The following PCDHA10 variants were observed in gnomAD, a reference collection of about 807,000 sequenced individuals.
PCDHA10 encodes protocadherin alpha 10.
A neutral mutation model predicts 61.2 loss-of-function variants in PCDHA10; 45 were observed. That is an observed-to-expected ratio of 0.74 (90% CI 0.58 to 0.94). The LOEUF is 0.94. Among genes scored for constraint, PCDHA10 ranks in the 40% least tolerant of loss-of-function variants. The pLI is 0.00. For missense variants in PCDHA10, 1,278 were observed against 1,236.2 expected (o/e 1.03, Z -0.51); for synonymous variants, 602 against 548.8 (o/e 1.10, Z -1.35).
intron 1 of PCDHA10, chr5:140,870,904 G>A (rs1554164810): frequency 1.9e-6 from 3 of 1,613,840 alleles, no homozygotes; most frequent in African/African-American, 2.7e-5. Context: ...TGCGGACTCA[G>A]GCTACAACGC....
At position 140,882,079 on chromosome 5, in the gene PCDHA10, G is replaced by C. The variant is rs2058940272; in HGVS notation, c.2388+23643G>C. 3.1e-6 allele frequency: 3 copies of C among 952,854 alleles called. No homozygotes were observed. In the East Asian group the frequency reaches 7.8e-5, roughly 25 times the overall value. The allele number at this position is 952,854 out of a possible 1,614,324, so 59.0% of individuals were successfully genotyped here. A position where few individuals can be genotyped will look rare whatever the true frequency, so the allele number is the denominator to read the frequency against. On this transcript the variant is annotated intron_variant, in intron 1 of 3. Transcript: ENST00000307360. ...CTTACACGTTCATGCGCATGGTGTCGCTCTTCACTGAGAACGTTTCCGCGA... is the reference window on the plus strand; with the variant it reads ...CTTACACGTTCATGCGCATGGTGTCCCTCTTCACTGAGAACGTTTCCGCGA...
intron 1 of PCDHA10, among the ~76,000 whole-genome samples, chr5:140,913,921 C>T (rs782350245): frequency 1.4e-4 from 22 of 152,018 alleles, no homozygotes; most frequent in South Asian, 1.2e-3. Flanking sequence ...AATTTTACTT[C>T]ATTGTGGTCA....
At chr5:140,865,963 C>A (rs182783301) in intron 1 of PCDHA10, 23 of 152,226 alleles carry the variant, frequency 1.5e-4, no homozygotes, top group Non-Finnish European at 3.1e-4. Flanking sequence ...TAATTTTGTA[C>A]AATGTGTGAT....
chr5:140,864,378 T>C (rs1269675465), intron 1 of PCDHA10: 1 of 152,252 alleles, frequency 6.6e-6, no homozygotes, highest in Non-Finnish European at 1.5e-5. Context: ...ATCGATAAGT[T>C]TATCTCTCAC....
intron 1 of PCDHA10, chr5:140,869,763 A>G: frequency 1.9e-6 from 3 of 1,613,302 alleles, no homozygotes; most frequent in Non-Finnish European, 2.5e-6. Flanking sequence ...GGGGAAAACC[A>G]GAGCTTACTG....
At chr5:141,005,371 T>G (rs35698397) in intron 3 of PCDHA10, among the ~76,000 whole-genome samples, 7,868 of 152,226 alleles carry the variant, frequency 0.052, 247 homozygotes, top group South Asian at 0.11. Flanking sequence ...TAGAATGCCT[T>G]TCCAAGGAGG....
chr5:140,928,177 A>G lies in PCDHA10; in HGVS notation c.2389-50772A>G, dbSNP rs781987562. Reference sequence around the variant, plus strand: ...TGGCTCACCCCCACTTAGCACCCGAAGGACAATCACTGTGTCAGTTGCTGA... The same window carrying G: ...TGGCTCACCCCCACTTAGCACCCGAGGGACAATCACTGTGTCAGTTGCTGA... On this transcript the variant is annotated intron_variant, in intron 1 of 3. Transcript: ENST00000307360. 8.7e-6 allele frequency: 14 copies of G among 1,614,218 alleles called. No homozygotes were observed. The East Asian group carries it at 2.7e-4, about 31-fold the overall frequency.
intron 1 of PCDHA10, among the ~76,000 whole-genome samples, chr5:140,921,386 A>C (rs2080192825): frequency 6.6e-6 from 1 of 152,156 alleles, no homozygotes; most frequent in African/African-American, 2.4e-5. Flanking sequence ...ATATTTGATA[A>C]ACATTCACAC....
rs781938191 is a variant in PCDHA10 at position 140,871,499 on chromosome 5, GT to G, written c.2388+13067del. 14 of 1,584,318 alleles carry G rather than the reference GT, an allele frequency of 8.8e-6. No individual in the cohort carries two copies. In the East Asian group the frequency reaches 2.7e-4, roughly 31 times the overall value. On this transcript the variant is annotated intron_variant, in intron 1 of 3. Coordinates refer to ENST00000307360, the MANE Select transcript of PCDHA10 (RefSeq NM_018901.4). ...GGGTCAAATCACCCCGGACAGGTGAGTTTTCTACAGATTCCACCTATCAGGA... is the reference window on the plus strand; with the variant it reads ...GGGTCAAATCACCCCGGACAGGTGAGTTTCTACAGATTCCACCTATCAGGA...
At position 140,858,022 on chromosome 5, in the gene PCDHA10, G is replaced by T; in HGVS notation, c.1974G>T (p.Leu658=). 2.5e-6 allele frequency: 4 copies of T among 1,597,054 alleles called. 1 individual carries two copies. The highest frequency in any genetic ancestry group is 1.3e-5 in the African/African-American group (1 of 74,416). The change falls in exon 1 of 4, where the codon CTG becomes CTT. Residue 658 remains leucine (L), a synonymous_variant. Transcript: ENST00000307360. ...VLVKDHGEPS[L]TATATVLVSL... The stretch of plus-strand genomic sequence containing the variant: ...TGAAGGACCATGGCGAGCCGTCGCT[G>T]ACGGCCACGGCCACTGTGCTTGTGT...
chr5:140,927,506 C>G (rs1554204645), intron 1 of PCDHA10: 1 of 1,614,128 alleles, frequency 6.2e-7, no homozygotes, highest in Non-Finnish European at 8.5e-7. Context: ...GTGCTTACAG[C>G]TCGGGACGGC....
intron 1 of PCDHA10, among the ~76,000 whole-genome samples, chr5:140,935,702 T>C (rs975188692): frequency 1.3e-5 from 2 of 152,152 alleles, no homozygotes; most frequent in Admixed American, 1.3e-4. Context: ...AATAAACTTA[T>C]AAAACAAAAT....
rs1554244374 is a variant in PCDHA10 at position 140,982,509 on chromosome 5, GC to G, written c.2483del (p.Ala828ValfsTer85). ...VHLEEAGILR[A>X]GPGGPDQQWP... is the part of the protein sequence containing the mutation. ...CCTAGAGGAGGCTGGCATTCTACGGGCTGGTCCAGGAGGGCCTGATCAGCAG... is the reference window on the plus strand; with the variant it reads ...CCTAGAGGAGGCTGGCATTCTACGGGTGGTCCAGGAGGGCCTGATCAGCAG... On this transcript the variant is annotated frameshift_variant, in exon 3 of 4. Transcript: ENST00000307360. LOFTEE classifies it high-confidence loss of function. 6.2e-7 allele frequency: 1 copy of G among 1,614,206 alleles called. No homozygotes were observed. Among genetic ancestry groups the G allele is most frequent in the Non-Finnish European group, 8.5e-7 (1 of 1,180,032 alleles).
intron 1 of PCDHA10, among the ~76,000 whole-genome samples, chr5:140,910,952 G>A (rs1188072199): frequency 3.3e-5 from 5 of 152,082 alleles, no homozygotes; most frequent in African/African-American, 1.2e-4. Context: ...TTCTTTTCGA[G>A]TGTAGCACAC....
At chr5:140,948,823 A>G (rs1554218722) in intron 1 of PCDHA10, among the ~76,000 whole-genome samples, 2 of 151,238 alleles carry the variant, frequency 1.3e-5, no homozygotes, top group African/African-American at 4.8e-5. Flanking sequence ...TATTTCATTA[A>G]TTTCTGCTTT....
chr5:140,925,822 T>C (rs1554202964), intron 1 of PCDHA10, among the ~76,000 whole-genome samples: 1 of 152,156 alleles, frequency 6.6e-6, no homozygotes, highest in African/African-American at 2.4e-5. Flanking sequence ...ACGTCTTCTT[T>C]GGGGACGGGT....
chr5:140,976,781 T>C (rs1238344428), intron 1 of PCDHA10, among the ~76,000 whole-genome samples: 26 of 152,206 alleles, frequency 1.7e-4, no homozygotes, highest in Admixed American at 1.6e-3. Flanking sequence ...TCTGACTATA[T>C]AGCTACGCTT....
intron 1 of PCDHA10, among the ~76,000 whole-genome samples, chr5:140,885,040 T>C (rs2060438917): frequency 6.6e-6 from 1 of 152,226 alleles, no homozygotes; most frequent in African/African-American, 2.4e-5. Context: ...AATTTTTAGT[T>C]TAATGTATAC....
At chr5:140,922,791 T>A (rs1454046146) in intron 1 of PCDHA10, among the ~76,000 whole-genome samples, 1 of 152,078 alleles carries the variant, frequency 6.6e-6, no homozygotes, top group Non-Finnish European at 1.5e-5. Flanking sequence ...AAACTGTAGC[T>A]TTGGAATACA....
Sources: allele counts gnomAD v4.1 joint callset (sites outside exome capture counted in the v4.1 genomes callset), GRCh38; gene constraint gnomAD v4.1.1; transcripts MANE v1.5; gene names NCBI Gene and HGNC (gene_info 2026-07-23, HGNC 2026-07-21).